Variants in FAM50B observed in about 807,000 individuals in gnomAD.
FAM50B encodes the protein protein FAM50B.
In FAM50B, 9 loss-of-function variants were observed where a neutral mutation model predicts 25.4. That is an observed-to-expected ratio of 0.35 (90% CI 0.21 to 0.62). The LOEUF (loss-of-function observed/expected upper bound fraction) is 0.62, where lower values mean the gene tolerates loss of function less well. Ranked by LOEUF, FAM50B falls within the 20% of genes least tolerant of loss-of-function variation. The pLI is 0.73. For missense variants in FAM50B, 372 were observed against 477.9 expected, an observed-to-expected ratio of 0.78 and a Z score of 2.07; for synonymous variants, 212 against 204.3, an observed-to-expected ratio of 1.04 and a Z score of -0.32.
upstream of FAM50B, chr6:3,849,309 G>C (rs941935454): frequency 6.5e-6 from 1 of 153,610 alleles, no homozygotes; most frequent in African/African-American, 2.4e-5. Context: ...TTCCGCAGCC[G>C]CCCTACCAGG....
At chr6:3,848,394 G>A (rs1190739559), upstream of FAM50B, among the ~76,000 whole-genome samples, 1 of 152,186 alleles carries the variant, frequency 6.6e-6, no homozygotes, top group Non-Finnish European at 1.5e-5. Flanking sequence ...ATTACCTGTG[G>A]AGGAACGTCA....
Position 3,850,784 on chromosome 6 carries a change from C to T in FAM50B, c.973C>T (p.Arg325Cys), listed in dbSNP as rs764055512. Residue 325 changes from arginine (R) to cysteine (C), a missense_variant, in exon 2 of 2, where the codon CGC becomes TGC. By Grantham distance (180) the Arg-to-Cys change is radical. Coordinates refer to ENST00000648326, the MANE Select transcript of FAM50B (RefSeq NM_012135.3). ...PEKKWDKYTI[R>C] ...GAAGAAGTGGGACAAGTACACCATC[C>T]GCTAACACCCGCCTGCCAGAGCGGA... The T allele has an allele frequency of 1.9e-6, 3 of 1,612,754 alleles. No individual in the cohort carries two copies. Among genetic ancestry groups the T allele is most frequent in the African/African-American group, 1.3e-5 (1 of 74,904 alleles).
Position 3,850,028 on chromosome 6 carries a change from A to G in FAM50B, c.217A>G (p.Met73Val), listed in dbSNP as rs1369449887. 1 of 1,613,332 alleles carries G rather than the reference A, an allele frequency of 6.2e-7. No homozygotes were observed. The highest frequency in any genetic ancestry group is 1.3e-5 in the African/African-American group (1 of 74,914). The stretch of plus-strand genomic sequence containing the variant: ...GGTGGGCCTGGTGACCCTGAACGAC[A>G]TGAAGGCCCGGCAGGAGGCCCTGGT... Reference protein sequence around the residue: ...STVGLVTLNDMKARQEALVRE... With the variant: ...STVGLVTLNDVKARQEALVRE... Residue 73 changes from methionine (M) to valine (V), a missense_variant, in exon 2 of 2, where the codon ATG (methionine) becomes GTG (valine). Around this residue, in one of 4 missense-constraint regions of FAM50B, gnomAD observed 64 missense variants for 118.3 expected, o/e 0.54. Transcript: ENST00000648326.
chr6:3,839,316 C>A, the FAM50B span, among the ~76,000 whole-genome samples: 1 of 152,178 alleles, frequency 6.6e-6, no homozygotes, highest in East Asian at 1.9e-4. Context: ...CTCATCTCCT[C>A]CCCCAGGAAG....
At chr6:3,839,860 A>G in the FAM50B span, among the ~76,000 whole-genome samples, 3 of 152,144 alleles carry the variant, frequency 2.0e-5, no homozygotes, top group Admixed American at 6.5e-5. Context: ...ACAACAAAAC[A>G]TAGGGCCGGG....
At chr6:3,840,519 C>G in the FAM50B span, among the ~76,000 whole-genome samples, 2 of 152,114 alleles carry the variant, frequency 1.3e-5, no homozygotes, top group East Asian at 1.9e-4. Flanking sequence ...TGTGGAGTCA[C>G]GGCATGTAAC....
chr6:3,850,076 G>A lies in FAM50B; in HGVS notation c.265G>A (p.Ala89Thr). ...ALVRERERQL[A>T]KRQHLEEQRL... ...GGTCAGGGAGCGCGAGCGGCAGCTG[G>A]CCAAGCGCCAGCACCTGGAGGAGCA... The change falls in exon 2 of 2, where the codon GCC becomes ACC. Residue 89 changes from alanine to threonine, a missense_variant. By Grantham distance (58) the Ala-to-Thr change is moderately conservative. This residue lies in a region of FAM50B where 224 missense variants were observed against 232.2 expected (regional missense o/e 0.96). Transcript: ENST00000648326. 1 of 1,610,204 alleles carries A rather than the reference G, an allele frequency of 6.2e-7. No individual in the cohort carries two copies. The highest frequency in any genetic ancestry group is 1.1e-5 in the South Asian group (1 of 90,848).
chr6:3,844,693 G>T (rs1452833891), upstream of FAM50B, among the ~76,000 whole-genome samples: 1 of 152,036 alleles, frequency 6.6e-6, no homozygotes, highest in Admixed American at 6.5e-5. Context: ...CAGCCTGGAA[G>T]ACAGAGCCAG....
the FAM50B span, among the ~76,000 whole-genome samples, chr6:3,838,707 G>A: frequency 6.6e-6 from 1 of 152,056 alleles, no homozygotes; most frequent in Non-Finnish European, 1.5e-5. Context: ...CAGGCATGGT[G>A]TTGGGCACCT....
the FAM50B span, chr6:3,832,118 G>A: frequency 6.6e-6 from 1 of 152,156 alleles, no homozygotes; most frequent in Non-Finnish European, 1.5e-5. Flanking sequence ...TCAAGCAAAG[G>A]AATTCATACA....
chr6:3,844,594 C>A (rs529261935), upstream of FAM50B, among the ~76,000 whole-genome samples: 7 of 152,028 alleles, frequency 4.6e-5, no homozygotes, highest in South Asian at 1.5e-3. Context: ...GCCTGTAATC[C>A]CAACTACTCG....
chr6:3,833,340 C>T, the FAM50B span, among the ~76,000 whole-genome samples: 1 of 152,152 alleles, frequency 6.6e-6, no homozygotes. Flanking sequence ...AGACATACAC[C>T]TCTTGGAGTG....
At chr6:3,832,919 G>A in the FAM50B span, among the ~76,000 whole-genome samples, 1 of 151,924 alleles carries the variant, frequency 6.6e-6, no homozygotes. Flanking sequence ...GAGTACAGTG[G>A]TACACGATCT....
At chr6:3,845,885 T>TTTTTTA (rs1040250265), upstream of FAM50B, among the ~76,000 whole-genome samples, 6 of 152,042 alleles carry the variant, frequency 3.9e-5, no homozygotes, top group African/African-American at 9.7e-5. Flanking sequence ...CCAGCTAATT[T>TTTTTTA]TTTTTATTTT....
chr6:3,839,968 TTTGTTGTTG>T, the FAM50B span, among the ~76,000 whole-genome samples: 1 of 150,872 alleles, frequency 6.6e-6, no homozygotes, highest in East Asian at 2.0e-4. Flanking sequence ...AAACCCTGTC[TTTGTTGTTG>T]TTGTTGTTGT....
At chr6:3,844,556 C>A (rs182503675), upstream of FAM50B, among the ~76,000 whole-genome samples, 1,448 of 151,780 alleles carry the variant, frequency 9.5e-3, 23 homozygotes, top group African/African-American at 0.031. Flanking sequence ...ACTAAAAATA[C>A]AAAAATTAGC....
chr6:3,850,301 C>T lies in FAM50B; in HGVS notation c.490C>T (p.Arg164Trp), dbSNP rs1762196088. Residue 164 changes from arginine to tryptophan, a missense_variant, in exon 2 of 2, where the codon CGG (arginine) becomes TGG (tryptophan). Around this residue, in one of 4 missense-constraint regions of FAM50B, gnomAD observed 224 missense variants for 232.2 expected, o/e 0.96. Coordinates refer to ENST00000648326, the MANE Select transcript of FAM50B (RefSeq NM_012135.3). ...CCGCGACCGCGAGGAGGAGGAGAAC[C>T]GGCTCCGAGAGGAGCTGCGCCAAGA... ...PDRDREEEENRLREELRQEWE... is the reference protein window; with the variant it reads ...PDRDREEEENWLREELRQEWE... 6 of 1,613,300 alleles carry T rather than the reference C, an allele frequency of 3.7e-6. No homozygotes were observed. The highest frequency in any genetic ancestry group is 1.3e-5 in the African/African-American group (1 of 75,056).
upstream of FAM50B, among the ~76,000 whole-genome samples, chr6:3,848,792 C>T (rs187304030): frequency 3.2e-4 from 49 of 152,272 alleles, no homozygotes; most frequent in African/African-American, 1.2e-3. Flanking sequence ...GAGCTTAGAA[C>T]CCGGGGGAAA....
rs745966134 is a variant in FAM50B at position 3,850,267 on chromosome 6, C to G, written c.456C>G (p.Phe152Leu). Reference protein sequence around the residue: ...LGKNPDVDTSFLPDRDREEEE... With the variant: ...LGKNPDVDTSLLPDRDREEEE... ...AGAACCCCGACGTGGACACCAGCTT[C>G]CTGCCAGACCGCGACCGCGAGGAGG... Residue 152 changes from phenylalanine (F) to leucine (L), a missense_variant, in exon 2 of 2, where the codon TTC becomes TTG. Transcript: ENST00000648326. The G allele has an allele frequency of 6.2e-7, 1 of 1,613,160 alleles. No homozygotes were observed. The highest frequency in any genetic ancestry group is 8.5e-7 in the Non-Finnish European group (1 of 1,179,806).
Sources: allele counts gnomAD v4.1 joint callset (sites outside exome capture counted in the v4.1 genomes callset), GRCh38; gene constraint gnomAD v4.1.1; regional missense constraint gnomAD v4.1.1; transcripts MANE v1.5; gene names NCBI Gene and HGNC (gene_info 2026-07-23, HGNC 2026-07-21).